The following DGKB variants were observed in gnomAD, a reference collection of about 807,000 sequenced individuals.
DGKB encodes diacylglycerol kinase beta, also known as 90 kDa diacylglycerol kinase.
Under a neutral mutation model 114.3 loss-of-function variants are expected in DGKB, and 67 were observed. The observed-to-expected ratio is 0.59, with a 90% CI of 0.48 to 0.72. The LOEUF (loss-of-function observed/expected upper bound fraction) is 0.72, where lower values mean the gene tolerates loss of function less well. DGKB is among the 30% of genes least tolerant of loss of function. The pLI is 0.00. For synonymous variants in DGKB, 398 were observed against 323.1 expected (o/e 1.23, Z -2.49); for missense variants, 907 against 975.2 (o/e 0.93, Z 0.93).
At chr7:14,426,301 A>C (rs187474276) in intron 21 of DGKB, among the ~76,000 whole-genome samples, 29 of 152,296 alleles carry the variant, frequency 1.9e-4, no homozygotes, top group Non-Finnish European at 2.4e-4. Flanking sequence ...GAAATCTGTA[A>C]ATTAAGCTAA....
intron 23 of DGKB, among the ~76,000 whole-genome samples, chr7:14,289,065 TCTC>T (rs1156868031): frequency 6.6e-6 from 1 of 152,210 alleles, no homozygotes; most frequent in Non-Finnish European, 1.5e-5. Flanking sequence ...AGAACAGATT[TCTC>T]CTAATTTTCC....
At chr7:14,851,438 G>A (rs999317074) in intron 1 of DGKB, among the ~76,000 whole-genome samples, 2 of 152,064 alleles carry the variant, frequency 1.3e-5, no homozygotes, top group Non-Finnish European at 2.9e-5. Flanking sequence ...GAGACTGGCA[G>A]GTTAGGTGAA....
chr7:14,787,623 G>T (rs562496922), intron 2 of DGKB, among the ~76,000 whole-genome samples: 63 of 152,286 alleles, frequency 4.1e-4, no homozygotes, highest in Admixed American at 1.8e-3. Flanking sequence ...TGTGGTCGGG[G>T]TAACAGTTTA....
At chr7:14,328,016 T>A (rs1809054599) in intron 23 of DGKB, among the ~76,000 whole-genome samples, 1 of 152,108 alleles carries the variant, frequency 6.6e-6, no homozygotes, top group Non-Finnish European at 1.5e-5. Context: ...ACATGACTTT[T>A]TAATTTTGAA....
chr7:14,354,917 G>T (rs976667454), intron 21 of DGKB, among the ~76,000 whole-genome samples: 4 of 152,138 alleles, frequency 2.6e-5, no homozygotes, highest in Non-Finnish European at 1.5e-5. Context: ...ATTCAATTAT[G>T]TTTCCCCATT....
chr7:14,162,456 A>C (rs1434163898), intron 25 of DGKB, among the ~76,000 whole-genome samples: 1 of 152,170 alleles, frequency 6.6e-6, no homozygotes, highest in Non-Finnish European at 1.5e-5. Flanking sequence ...GGGTCACATC[A>C]ATATAAATAC....
At chr7:14,901,605 A>AACCCCCCC (rs1562855781) in intron 1 of DGKB, among the ~76,000 whole-genome samples, 4 of 123,094 alleles carry the variant, frequency 3.2e-5, no homozygotes, top group East Asian at 5.5e-4. Flanking sequence ...AGGGATTTCC[A>AACCCCCCC]CCCCCCCCCA....
intron 23 of DGKB, among the ~76,000 whole-genome samples, chr7:14,334,570 G>A (rs13309076): frequency 0.26 from 39,732 of 151,282 alleles, 5,417 homozygotes; most frequent in Middle Eastern, 0.33. Context: ...TTTATTGTCC[G>A]CAAATCTGGC....
chr7:14,565,474 C>G (rs1797257137), intron 20 of DGKB, among the ~76,000 whole-genome samples: 1 of 152,128 alleles, frequency 6.6e-6, no homozygotes, highest in Non-Finnish European at 1.5e-5. Context: ...CAAATTCTCC[C>G]TAAGTGAGAT....
At position 14,434,687 on chromosome 7, in the gene DGKB, T is replaced by A. The variant is rs111863103; in HGVS notation, c.1835+43474A>T. 9.3e-3 allele frequency among the ~76,000 whole-genome samples: 1,410 copies of A among 152,256 alleles called. 24 individuals carry two copies. The highest frequency in any genetic ancestry group is 0.032 in the African/African-American group (1,350 of 41,558). ...AACAAATGTGTATGTTGTTTTAAGT[T>A]ACTAAATTTTAATTGATTTATTACA... On this transcript the variant is annotated intron_variant, in intron 21 of 25. Coordinates refer to ENST00000402815, the MANE Select transcript of DGKB (RefSeq NM_001350709.2).
At chr7:14,671,715 T>C (rs189028987) in intron 13 of DGKB, among the ~76,000 whole-genome samples, 1 of 152,120 alleles carries the variant, frequency 6.6e-6, no homozygotes, top group Admixed American at 6.6e-5. Flanking sequence ...ATAGATCTCA[T>C]CTTAGAGTTA....
intron 23 of DGKB, among the ~76,000 whole-genome samples, chr7:14,234,464 G>T (rs991693527): frequency 3.3e-5 from 5 of 151,968 alleles, no homozygotes; most frequent in East Asian, 1.9e-4. Flanking sequence ...CATGAACCAC[G>T]CAATGCTAAG....
intron 17 of DGKB, among the ~76,000 whole-genome samples, chr7:14,590,837 T>C (rs139977920): frequency 6.6e-6 from 1 of 152,244 alleles, no homozygotes; most frequent in East Asian, 1.9e-4. Flanking sequence ...TAATTATATT[T>C]TTTTCTTTAT....
intron 5 of DGKB, among the ~76,000 whole-genome samples, chr7:14,724,113 A>T (rs1391088463): frequency 6.6e-6 from 1 of 152,218 alleles, no homozygotes; most frequent in Non-Finnish European, 1.5e-5. Context: ...TTCTAAATTT[A>T]TAAGGCAATA....
rs183420999 is a variant in DGKB at position 14,772,700 on chromosome 7, G to T, written c.71-14969C>A. Among the ~76,000 whole-genome samples, 52 of 152,236 alleles carry T rather than the reference G, an allele frequency of 3.4e-4. 1 individual carries two copies. Among genetic ancestry groups the T allele is most frequent in the African/African-American group, 1.2e-3 (49 of 41,556 alleles). On this transcript the variant is annotated intron_variant, in intron 2 of 25. Coordinates refer to ENST00000402815, the MANE Select transcript of DGKB (RefSeq NM_001350709.2). ...AAGTGAATGGAAAGAGATATCCAAT[G>T]TGAATTTTAATCCTCCCATTGTTGC...
intron 1 of DGKB, among the ~76,000 whole-genome samples, chr7:14,847,420 A>C (rs1848787616): frequency 6.6e-6 from 1 of 152,256 alleles, no homozygotes; most frequent in Admixed American, 6.5e-5. Flanking sequence ...GAGCCAAAAT[A>C]AAAACTACAG....
intron 6 of DGKB, among the ~76,000 whole-genome samples, chr7:14,716,405 A>T (rs184690310): frequency 5.3e-4 from 80 of 152,320 alleles, no homozygotes; most frequent in African/African-American, 1.8e-3. Context: ...TGGAAGTATG[A>T]GCCAAATTCA....
chr7:14,525,542 G>T (rs565402487), intron 20 of DGKB, among the ~76,000 whole-genome samples: 3 of 152,244 alleles, frequency 2.0e-5, no homozygotes, highest in African/African-American at 7.2e-5. Context: ...TCTCTTGTTA[G>T]ACTAATGATT....
intron 1 of DGKB, among the ~76,000 whole-genome samples, chr7:14,965,812 A>T (rs1025813592): frequency 2.6e-5 from 4 of 152,074 alleles, no homozygotes; most frequent in African/African-American, 9.7e-5. Context: ...GCTCTCTTTC[A>T]TTTGGCACTG....
Sources: gnomAD v4.1 joint callset for allele counts (sites outside exome capture counted in the v4.1 genomes callset) on GRCh38, gnomAD v4.1.1 for gene constraint, MANE v1.5 for transcripts, NCBI Gene and HGNC (gene_info 2026-07-23, HGNC 2026-07-21) for gene names.